LRMDA: variants seen among roughly 807,000 people sequenced by gnomAD.
LRMDA encodes the protein leucine rich melanocyte differentiation associated.
A neutral mutation model predicts 29.8 loss-of-function variants in LRMDA; 18 were observed. The observed-to-expected ratio is 0.60, with a 90% CI of 0.42 to 0.90. The LOEUF is 0.90. Among genes scored for constraint, LRMDA ranks in the 40% least tolerant of loss-of-function variants. The pLI, the probability that LRMDA is intolerant of heterozygous loss-of-function variation, is 0.00. For missense variants in LRMDA, 273 were observed against 273.9 expected (o/e 1.00, Z 0.02); for synonymous variants, 125 against 109.4 (o/e 1.14, Z -0.89).
chr10:75,853,208 G>C (rs770761253), intron 2 of LRMDA, among the ~76,000 whole-genome samples: 146 of 152,230 alleles, frequency 9.6e-4, no homozygotes, highest in Non-Finnish European at 4.1e-4. Context: ...AATGAAGATA[G>C]GGTTTTTAAG....
chr10:76,251,870 C>A (rs942128519), intron 5 of LRMDA, among the ~76,000 whole-genome samples: 3 of 152,140 alleles, frequency 2.0e-5, no homozygotes, highest in Non-Finnish European at 2.9e-5. Flanking sequence ...CAGAGTCCAG[C>A]CGGTGGTGGA....
chr10:75,774,244 A>G (rs1843279895), intron 2 of LRMDA, among the ~76,000 whole-genome samples: 1 of 152,118 alleles, frequency 6.6e-6, no homozygotes, highest in Non-Finnish European at 1.5e-5. Context: ...CAAGCATTAC[A>G]TTTTTATTTT....
chr10:75,712,448 G>T (rs1402213485), intron 2 of LRMDA, among the ~76,000 whole-genome samples: 4 of 151,912 alleles, frequency 2.6e-5, no homozygotes, highest in South Asian at 2.1e-4. Context: ...GGGGCGGTTG[G>T]GGGGGTGGTG....
intron 5 of LRMDA, among the ~76,000 whole-genome samples, chr10:76,153,462 A>G (rs759588588): frequency 1.3e-5 from 2 of 152,064 alleles, no homozygotes; most frequent in Non-Finnish European, 2.9e-5. Flanking sequence ...TTATTCATTT[A>G]GGTCTTTTAT....
intron 2 of LRMDA, among the ~76,000 whole-genome samples, chr10:75,624,383 G>A (rs1036990834): frequency 3.3e-5 from 5 of 152,118 alleles, no homozygotes; most frequent in Admixed American, 2.0e-4. Flanking sequence ...ATCCAGGATA[G>A]GTTTTATAAG....
intron 2 of LRMDA, among the ~76,000 whole-genome samples, chr10:75,820,013 A>G (rs1169960831): frequency 6.6e-6 from 1 of 152,236 alleles, no homozygotes; most frequent in Non-Finnish European, 1.5e-5. Flanking sequence ...GCCCAGAATC[A>G]TAAATAATAT....
At chr10:76,084,701 G>A (rs935072376) in intron 5 of LRMDA, among the ~76,000 whole-genome samples, 3 of 152,150 alleles carry the variant, frequency 2.0e-5, no homozygotes, top group African/African-American at 7.2e-5. Context: ...CTGGCACTTA[G>A]TAGTAGGTTA....
intron 6 of LRMDA, among the ~76,000 whole-genome samples, chr10:76,548,497 G>T (rs1843449561): frequency 6.6e-6 from 1 of 151,734 alleles, no homozygotes. Context: ...ACAAAATTTG[G>T]ACTGCTAAGA....
chr10:75,758,848 G>A (rs1291309550), intron 2 of LRMDA, among the ~76,000 whole-genome samples: 1 of 151,998 alleles, frequency 6.6e-6, no homozygotes, highest in African/African-American at 2.4e-5. Flanking sequence ...AGCATCCTCT[G>A]GTTATTATCT....
chr10:75,445,325 T>G (rs1229423696), intron 2 of LRMDA, among the ~76,000 whole-genome samples: 1 of 152,170 alleles, frequency 6.6e-6, no homozygotes, highest in African/African-American at 2.4e-5. Context: ...TCTACTATTA[T>G]AAATAGCTCT....
At chr10:75,610,081 AAGAAATAC>A (rs1359378883) in intron 2 of LRMDA, among the ~76,000 whole-genome samples, 1 of 152,172 alleles carries the variant, frequency 6.6e-6, no homozygotes, top group Non-Finnish European at 1.5e-5. Context: ...TTTTTTAAAA[AAGAAATAC>A]AGCTTTATCA....
chr10:76,133,072 C>T (rs1850027904), intron 5 of LRMDA, among the ~76,000 whole-genome samples: 1 of 149,414 alleles, frequency 6.7e-6, no homozygotes, highest in East Asian at 2.0e-4. Context: ...CCGCCCGCCT[C>T]AGCCTCCCAA....
chr10:75,796,594 T>C (rs1843657622), intron 2 of LRMDA, among the ~76,000 whole-genome samples: 1 of 152,174 alleles, frequency 6.6e-6, no homozygotes, highest in South Asian at 2.1e-4. Flanking sequence ...TTTTTTGAGA[T>C]AGAGTTTCAC....
At chr10:75,629,049 A>G (rs539712917) in intron 2 of LRMDA, among the ~76,000 whole-genome samples, 15 of 152,330 alleles carry the variant, frequency 9.8e-5, no homozygotes, top group African/African-American at 3.6e-4. Context: ...GTACACTTAC[A>G]GTAACCCAAA....
intron 2 of LRMDA, among the ~76,000 whole-genome samples, chr10:75,439,526 A>G (rs1844303105): frequency 6.6e-6 from 1 of 152,230 alleles, no homozygotes; most frequent in African/African-American, 2.4e-5. Context: ...CAGGGTAATA[A>G]GGCACGAGAG....
At chr10:75,657,957 C>T (rs997641841) in intron 2 of LRMDA, among the ~76,000 whole-genome samples, 3 of 152,084 alleles carry the variant, frequency 2.0e-5, no homozygotes, top group Admixed American at 1.3e-4. Flanking sequence ...CAGTGCATCC[C>T]GAGAGAGACA....
At chr10:76,258,056 T>C (rs1003873732) in intron 5 of LRMDA, among the ~76,000 whole-genome samples, 3 of 152,210 alleles carry the variant, frequency 2.0e-5, no homozygotes, top group African/African-American at 7.2e-5. Context: ...ACAAAACTTG[T>C]TACATGGCCA....
chr10:76,279,539 C>CTTTTTTTTTTTTTTTTTTTT (rs759651873), intron 5 of LRMDA, among the ~76,000 whole-genome samples: 1 of 93,810 alleles, frequency 1.1e-5, no homozygotes, highest in African/African-American at 4.0e-5. Context: ...ACAAATGCTT[C>CTTTTTTTTTTTTTTTTTTTT]TTTTTTTTTT....
At chr10:76,536,358 G>A (rs182052009) in intron 6 of LRMDA, among the ~76,000 whole-genome samples, 2 of 151,984 alleles carry the variant, frequency 1.3e-5, no homozygotes, top group African/African-American at 2.4e-5. Context: ...GATGGTTAAG[G>A]CTTTTAAGTC....
Sources: gnomAD v4.1 joint callset for allele counts (sites outside exome capture counted in the v4.1 genomes callset) on GRCh38, gnomAD v4.1.1 for gene constraint, MANE v1.5 for transcripts, NCBI Gene and HGNC (gene_info 2026-07-23, HGNC 2026-07-21) for gene names.